Variants in PRKD1 observed in about 807,000 individuals in gnomAD.
PRKD1 encodes the protein protein kinase D1, also known as serine/threonine-protein kinase D1.
Under a neutral mutation model 95.9 loss-of-function variants are expected in PRKD1, and 63 were observed. That is an observed-to-expected ratio of 0.66 (90% CI 0.54 to 0.81). The LOEUF (loss-of-function observed/expected upper bound fraction) is 0.81. Among genes scored for constraint, PRKD1 ranks in the 30% least tolerant of loss-of-function variants. The pLI is 0.00. For synonymous variants in PRKD1, 425 were observed against 423.1 expected (o/e 1.00, Z -0.05); for missense variants, 1,048 against 1,165.3 (o/e 0.90, Z 1.47).
chr14:29,793,694 A>G (rs1346938402), intron 1 of PRKD1, among the ~76,000 whole-genome samples: 1 of 152,070 alleles, frequency 6.6e-6, no homozygotes, highest in East Asian at 1.9e-4. Context: ...TAGTCTCCAA[A>G]ACTCTTCTAC....
intron 1 of PRKD1, among the ~76,000 whole-genome samples, chr14:29,802,129 G>A (rs570671341): frequency 4.0e-5 from 6 of 151,890 alleles, no homozygotes; most frequent in African/African-American, 1.2e-4. Flanking sequence ...AAGAGGGAAG[G>A]AGAGAATTAA....
intron 1 of PRKD1, among the ~76,000 whole-genome samples, chr14:29,736,084 C>T (rs1026824384): frequency 2.0e-5 from 3 of 152,188 alleles, no homozygotes; most frequent in Non-Finnish European, 4.4e-5. Context: ...ATAGACATGG[C>T]TCTTTCCCTT....
chr14:29,831,511 CAGGCTGG>C, intron 1 of PRKD1, among the ~76,000 whole-genome samples: 1 of 149,524 alleles, frequency 6.7e-6, no homozygotes. Context: ...TTCTGTCATC[CAGGCTGG>C]AGTGCAATGG....
chr14:29,819,652 T>G (rs1037548980), intron 1 of PRKD1, among the ~76,000 whole-genome samples: 1 of 151,860 alleles, frequency 6.6e-6, no homozygotes, highest in Admixed American at 6.6e-5. Flanking sequence ...ATTGCGCCAC[T>G]GCACTCCAGC....
chr14:29,911,560 G>A (rs551562470), intron 1 of PRKD1, among the ~76,000 whole-genome samples: 1 of 152,064 alleles, frequency 6.6e-6, no homozygotes, highest in Admixed American at 6.5e-5. Context: ...TTTGAATTTG[G>A]ATGAGCATAT....
chr14:29,625,303 T>C (rs571929920), intron 12 of PRKD1, among the ~76,000 whole-genome samples: 8 of 152,304 alleles, frequency 5.3e-5, no homozygotes, highest in African/African-American at 1.9e-4. Flanking sequence ...TCATCTCTAC[T>C]CCTCCGTCAC....
chr14:29,603,389 T>C (rs538913231), intron 13 of PRKD1, among the ~76,000 whole-genome samples: 3 of 152,192 alleles, frequency 2.0e-5, no homozygotes, highest in Non-Finnish European at 4.4e-5. Context: ...TTATATTTGA[T>C]AGTAACAAAA....
chr14:29,598,340 TAA>T (rs1313766544), intron 15 of PRKD1, among the ~76,000 whole-genome samples: 1 of 149,850 alleles, frequency 6.7e-6, no homozygotes, highest in African/African-American at 2.4e-5. Flanking sequence ...AATGAAAAAA[TAA>T]AAACAGTCTC....
chr14:29,592,602 A>C (rs902553406), intron 16 of PRKD1: 1 of 152,206 alleles, frequency 6.6e-6, no homozygotes, highest in Non-Finnish European at 1.5e-5. Flanking sequence ...AAGACTATAA[A>C]GTGACTGGGA....
chr14:29,591,589 A>G (rs1303564393), intron 16 of PRKD1, among the ~76,000 whole-genome samples: 1 of 152,132 alleles, frequency 6.6e-6, no homozygotes, highest in Non-Finnish European at 1.5e-5. Context: ...CTGGCATGCT[A>G]AAGTTAAAAA....
At chr14:29,712,753 C>A (rs1006411439) in intron 2 of PRKD1, among the ~76,000 whole-genome samples, 7 of 152,034 alleles carry the variant, frequency 4.6e-5, no homozygotes, top group African/African-American at 1.4e-4. Context: ...CTAATTTTGG[C>A]AGATTATGAG....
chr14:29,640,881 T>C (rs1880714673), intron 4 of PRKD1, among the ~76,000 whole-genome samples: 1 of 152,194 alleles, frequency 6.6e-6, no homozygotes, highest in Admixed American at 6.5e-5. Flanking sequence ...GATACCTAAT[T>C]GTAGGCTGTG....
rs894256353 is a variant in PRKD1, at chr14:29,663,184, G to A, written c.696+515C>T. 2.5e-5 allele frequency among the ~76,000 whole-genome samples: 3 copies of A among 121,198 alleles called. No homozygotes were observed. The East Asian group carries it at 6.5e-4, about 26-fold the overall frequency. The allele number at this position is 121,198 out of a possible 152,430, so 79.5% of individuals were successfully genotyped here. ...ATATATATATATTCTAGAGCTAATGGAAATATTTAAAGTGTTAAGTCCTAT... is the reference window on the plus strand; with the variant it reads ...ATATATATATATTCTAGAGCTAATGAAAATATTTAAAGTGTTAAGTCCTAT... On this transcript the variant is annotated intron_variant, in intron 4 of 17. Coordinates refer to ENST00000331968, the MANE Select transcript of PRKD1 (RefSeq NM_002742.3).
intron 2 of PRKD1, among the ~76,000 whole-genome samples, chr14:29,707,865 A>G (rs1885163986): frequency 6.6e-6 from 1 of 152,088 alleles, no homozygotes; most frequent in East Asian, 1.9e-4. Flanking sequence ...TCATCATCAT[A>G]AGATGGCCCC....
At chr14:29,769,412 T>A (rs1322464992) in intron 1 of PRKD1, among the ~76,000 whole-genome samples, 1 of 151,794 alleles carries the variant, frequency 6.6e-6, no homozygotes, top group Non-Finnish European at 1.5e-5. Flanking sequence ...CCACAAAAAA[T>A]TAAAAAATTA....
chr14:29,907,422 AAAT>A lies in PRKD1; in HGVS notation c.264+19824_264+19826del, dbSNP rs1197691002. ...TTCTGCTTCTAAGAGCATAACAAGA[AAAT>A]AATGAGACAAATCATTCATTCAATC... On this transcript the variant is annotated intron_variant, in intron 1 of 17. Transcript: ENST00000331968. 2.0e-5 allele frequency among the ~76,000 whole-genome samples: 3 copies of A among 152,356 alleles called. No individual in the cohort carries two copies. In the East Asian group the frequency reaches 5.8e-4, roughly 29 times the overall value.
intron 2 of PRKD1, among the ~76,000 whole-genome samples, chr14:29,696,264 A>G (rs1486502460): frequency 5.9e-5 from 9 of 152,230 alleles, no homozygotes; most frequent in Non-Finnish European, 1.3e-4. Context: ...ATATATGTGC[A>G]TATGTACTAA....
intron 1 of PRKD1, among the ~76,000 whole-genome samples, chr14:29,778,998 A>G (rs563591146): frequency 6.1e-4 from 93 of 152,328 alleles, no homozygotes; most frequent in African/African-American, 2.1e-3. Context: ...CAAATCAATA[A>G]ACGTAATCCA....
rs1412607334 is a variant in PRKD1, at chr14:29,826,826, TATATATATATATACACAC to T, written c.264+100405_264+100422del. 5.6e-3 allele frequency among the ~76,000 whole-genome samples: 119 copies of T among 21,132 alleles called. 10 individuals carry two copies. The highest frequency in any genetic ancestry group is 7.1e-3 in the African/African-American group (32 of 4,526). The allele number at this position is 21,132 out of a possible 152,430, so 13.9% of individuals were successfully genotyped here. A position where few individuals can be genotyped will look rare whatever the true frequency, so the allele number is the denominator to read the frequency against. Reference sequence around the variant, plus strand: ...ACACATATATATACACATATATATATATATATATATATACACACATATATATATATATATATATATATA... The same window carrying T: ...ACACATATATATACACATATATATATATATATATATATATATATATATATA... On this transcript the variant is annotated intron_variant, in intron 1 of 17. Transcript: ENST00000331968.
Sources: gnomAD v4.1 joint callset for allele counts (sites outside exome capture counted in the v4.1 genomes callset) on GRCh38, gnomAD v4.1.1 for gene constraint, MANE v1.5 for transcripts, NCBI Gene and HGNC (gene_info 2026-07-23, HGNC 2026-07-21) for gene names.